Variants in ZNRF3 observed in about 807,000 individuals in gnomAD.
The protein encoded by ZNRF3 is E3 ubiquitin-protein ligase ZNRF3.
In ZNRF3, 23 loss-of-function variants were observed where a neutral mutation model predicts 72.5. The observed-to-expected ratio is 0.32, with a 90% confidence interval of 0.23 to 0.45. The LOEUF is 0.45. Ranked by LOEUF, ZNRF3 falls within the 20% of genes least tolerant of loss-of-function variation. ZNRF3 has a pLI of 1.00. For missense variants in ZNRF3, 1,169 were observed against 1,272.1 expected (o/e 0.92, Z 1.23); for synonymous variants, 610 against 545.3 (o/e 1.12, Z -1.65).
intron 1 of ZNRF3, among the ~76,000 whole-genome samples, chr22:28,945,565 C>T (rs911292378): frequency 6.7e-6 from 1 of 150,066 alleles, no homozygotes; most frequent in Non-Finnish European, 1.5e-5. Flanking sequence ...GAGTCTTGCT[C>T]TGTGGCCAGG....
chr22:28,932,652 C>T (rs2034727979), intron 1 of ZNRF3, among the ~76,000 whole-genome samples: 1 of 152,170 alleles, frequency 6.6e-6, no homozygotes, highest in African/African-American at 2.4e-5. Flanking sequence ...GAAAAGTGGG[C>T]TTCTGCAACT....
intron 1 of ZNRF3, among the ~76,000 whole-genome samples, chr22:28,922,044 C>T (rs759832037): frequency 3.2e-4 from 48 of 152,208 alleles, no homozygotes; most frequent in Admixed American, 1.1e-3. Context: ...TTCATATACA[C>T]CTTATTCACA....
intron 1 of ZNRF3, among the ~76,000 whole-genome samples, chr22:28,920,252 C>A (rs1436821150): frequency 1.3e-5 from 2 of 150,678 alleles, no homozygotes; most frequent in Non-Finnish European, 1.5e-5. Flanking sequence ...AGGTGTGAGC[C>A]ACCGTGCCTG....
chr22:29,030,844 C>T lies in ZNRF3; in HGVS notation c.427-11651C>T, dbSNP rs944358400. Among the ~76,000 whole-genome samples, 2 of 152,154 alleles carry T rather than the reference C, an allele frequency of 1.3e-5. No homozygotes were observed. Among genetic ancestry groups the T allele is most frequent in the African/African-American group, 4.8e-5 (2 of 41,434 alleles). ...GAGCCGCGGGAGGGGGGATGTTGGC[C>T]GCAGGGCCTCGGAGTTCTGAGCTGT... On this transcript the variant is annotated intron_variant, in intron 2 of 8. Coordinates refer to ENST00000544604, the MANE Select transcript of ZNRF3 (RefSeq NM_001206998.2). This position sits in a 1 kb window ranked among gnomAD's most constrained non-coding sequence, Gnocchi z 4.2.
intron 1 of ZNRF3, among the ~76,000 whole-genome samples, chr22:28,888,523 T>A (rs867608245): frequency 2.6e-5 from 4 of 152,250 alleles, no homozygotes; most frequent in African/African-American, 9.6e-5. Flanking sequence ...TATACATTCT[T>A]AGAGCCCCTT....
rs557535429 is a variant in ZNRF3, at chr22:28,928,642, C to T, written c.300+44576C>T. Among the ~76,000 whole-genome samples the T allele has an allele frequency of 2.0e-5, 3 of 151,948 alleles. No homozygotes were observed. The East Asian group carries it at 5.8e-4, about 29-fold the overall frequency. ...CCGAGTAGCTGGGATTACAGGCATA[C>T]GCCACCAAACCCGGCTAATTTTTTT... On this transcript the variant is annotated intron_variant, in intron 1 of 8. Transcript: ENST00000544604.
intron 1 of ZNRF3, among the ~76,000 whole-genome samples, chr22:28,980,218 G>T (rs1033979196): frequency 6.6e-6 from 1 of 152,074 alleles, no homozygotes; most frequent in Non-Finnish European, 1.5e-5. Context: ...GACTCAGAAG[G>T]GTGGGTGGAG....
intron 1 of ZNRF3, among the ~76,000 whole-genome samples, chr22:28,909,747 A>ATTTTT (rs11432409): frequency 3.5e-5 from 4 of 113,882 alleles, no homozygotes; most frequent in East Asian, 2.6e-4. Flanking sequence ...TGCCTGGCTA[A>ATTTTT]TTTTTTTTTT....
chr22:29,037,518 C>T (rs976641866), intron 2 of ZNRF3, among the ~76,000 whole-genome samples: 7 of 152,180 alleles, frequency 4.6e-5, no homozygotes, highest in Non-Finnish European at 1.0e-4. Context: ...AGCTTGCTTT[C>T]ACTTATAATA....
intron 1 of ZNRF3, among the ~76,000 whole-genome samples, chr22:28,924,771 A>G (rs2034570881): frequency 6.6e-6 from 1 of 152,186 alleles, no homozygotes; most frequent in South Asian, 2.1e-4. Context: ...TTTAAAAAGT[A>G]GGCAAGAGGG....
intron 1 of ZNRF3, among the ~76,000 whole-genome samples, chr22:28,911,769 C>A (rs2034323228): frequency 6.6e-6 from 1 of 152,092 alleles, no homozygotes; most frequent in Non-Finnish European, 1.5e-5. Context: ...CTGCCCCTAA[C>A]CCCTCAGTTT....
At chr22:29,007,335 C>T (rs1221860152) in intron 2 of ZNRF3, among the ~76,000 whole-genome samples, 1 of 152,172 alleles carries the variant, frequency 6.6e-6, no homozygotes, top group East Asian at 1.9e-4. Flanking sequence ...CAAAACGTCC[C>T]ACTGAAATTA....
At chr22:28,900,673 A>G (rs1468449827) in intron 1 of ZNRF3, among the ~76,000 whole-genome samples, 1 of 152,190 alleles carries the variant, frequency 6.6e-6, no homozygotes, top group Non-Finnish European at 1.5e-5. Flanking sequence ...AAAAAAAGTA[A>G]AAACCCCACC....
intron 1 of ZNRF3, among the ~76,000 whole-genome samples, chr22:28,903,241 G>C (rs1365684347): frequency 6.6e-6 from 1 of 152,194 alleles, no homozygotes; most frequent in Non-Finnish European, 1.5e-5. Flanking sequence ...TGCACACACA[G>C]ACACACACAC....
chr22:28,900,264 A>G (rs980970148), intron 1 of ZNRF3, among the ~76,000 whole-genome samples: 2 of 152,214 alleles, frequency 1.3e-5, no homozygotes, highest in East Asian at 3.8e-4. Context: ...CCTATTGTAT[A>G]TAAGCAAAGA....
chr22:28,987,905 C>T (rs924371322), intron 2 of ZNRF3, among the ~76,000 whole-genome samples: 2 of 152,090 alleles, frequency 1.3e-5, no homozygotes, highest in South Asian at 4.1e-4. Context: ...GAGATGCAAA[C>T]GCCTCACACA....
intron 1 of ZNRF3, among the ~76,000 whole-genome samples, chr22:28,952,409 G>T (rs1389730826): frequency 2.0e-5 from 3 of 151,420 alleles, no homozygotes; most frequent in African/African-American, 4.9e-5. Flanking sequence ...CTAGGCCTTT[G>T]TTTAAAAATA....
intron 1 of ZNRF3, among the ~76,000 whole-genome samples, chr22:28,924,591 G>A (rs1424428413): frequency 6.6e-6 from 1 of 152,096 alleles, no homozygotes; most frequent in African/African-American, 2.4e-5. Flanking sequence ...AAAAAATTTA[G>A]CTGGCTGTGG....
chr22:28,933,005 G>A (rs547867239), intron 1 of ZNRF3, among the ~76,000 whole-genome samples: 3 of 152,328 alleles, frequency 2.0e-5, no homozygotes, highest in South Asian at 4.1e-4. Context: ...AGATTGCCAA[G>A]GTTTGTATTA....
Sources: allele counts gnomAD v4.1 joint callset (sites outside exome capture counted in the v4.1 genomes callset), GRCh38; gene constraint gnomAD v4.1.1; non-coding constraint Gnocchi (gnomAD v3.1); transcripts MANE v1.5; gene names NCBI Gene and HGNC (gene_info 2026-07-23, HGNC 2026-07-21).